The following CTXN3 variants were observed in gnomAD, a reference collection of about 807,000 sequenced individuals.
The protein encoded by CTXN3 is cortexin 3.
In CTXN3, 4 loss-of-function variants were observed where a neutral mutation model predicts 5.0. The ratio of observed to expected loss-of-function variants is 0.79; its 90% CI spans 0.39 to 1.82. The LOEUF is 1.82. Ranked by LOEUF, CTXN3 falls within the 40% of genes most tolerant of loss-of-function variation. The pLI is 0.04. For missense variants in CTXN3, 89 were observed against 99.7 expected (o/e 0.89, Z 0.46); for synonymous variants, 48 against 38.6 (o/e 1.24, Z -0.91).
chr5:127,657,679 T>C lies in CTXN3; in HGVS notation c.158T>C (p.Leu53Ser). ...ILIVRCFRILLDPYRSMPTST... is the reference protein window; with the variant it reads ...ILIVRCFRILSDPYRSMPTST... ...ATTGTCCGGTGCTTCCGGATTCTTT[T>C]GGATCCATATCGAAGCATGCCAACC... Residue 53 changes from leucine to serine, a missense_variant, in exon 3 of 3, where the codon TTG becomes TCG. Physicochemically the swap from Leu to Ser is moderately radical, Grantham distance 145. Coordinates refer to ENST00000379445, the MANE Select transcript of CTXN3 (RefSeq NM_001048252.3). 1.9e-6 allele frequency: 3 copies of C among 1,614,212 alleles called. No individual in the cohort carries two copies. The South Asian group carries it at 3.3e-5, about 18-fold the overall frequency.
chr5:127,649,250 G>T lies in CTXN3; in HGVS notation c.-345G>T, dbSNP rs1749736672. ...AACAACAGCTTTAGACCTGGGGTGT[G>T]CCATCAGCTGCCTTGCAGCTACCAC... On this transcript the variant is annotated 5_prime_UTR_variant, in exon 1 of 3. Coordinates refer to ENST00000379445, the MANE Select transcript of CTXN3 (RefSeq NM_001048252.3). 1 of 152,172 alleles carries T rather than the reference G, an allele frequency of 6.6e-6. No individual in the cohort carries two copies. Among genetic ancestry groups the T allele is most frequent in the African/African-American group, 2.4e-5 (1 of 41,432 alleles). The allele number at this position is 152,172 out of a possible 1,614,324, so 9.4% of individuals were successfully genotyped here.
intron 1 of CTXN3, among the ~76,000 whole-genome samples, chr5:127,649,821 C>G (rs892491099): frequency 1.3e-5 from 2 of 151,966 alleles, no homozygotes; most frequent in African/African-American, 2.4e-5. Context: ...GTTGACTGTC[C>G]CTGGCTGATA....
In CTXN3 at chr5:127,653,370, A is replaced by C. The variant is rs917772056; in HGVS notation, c.-153A>C. ...ACCCACAAATGGACCTGACAAAGGG[A>C]AGACACAGATGTACTGCGTGATGAG... On this transcript the variant is annotated 5_prime_UTR_variant, in exon 2 of 3. Coordinates refer to ENST00000379445, the MANE Select transcript of CTXN3 (RefSeq NM_001048252.3). The C allele has an allele frequency of 1.3e-5, 2 of 152,222 alleles. No individual in the cohort carries two copies. Among genetic ancestry groups the C allele is most frequent in the African/African-American group, 4.8e-5 (2 of 41,450 alleles). The allele number at this position is 152,222 out of a possible 1,614,324, so 9.4% of individuals were successfully genotyped here. A position where few individuals can be genotyped will look rare whatever the true frequency, so the allele number is the denominator to read the frequency against.
At position 127,657,904 on chromosome 5, in the gene CTXN3, T is replaced by C; in HGVS notation, c.*137T>C. ...GGACCATAATCCATTATTCCATAAA[T>C]ATGCAGTTGGGTTAAAGACATTTGA... On this transcript the variant is annotated 3_prime_UTR_variant, in exon 3 of 3. Transcript: ENST00000379445. 1 of 1,029,184 alleles carries C rather than the reference T, an allele frequency of 9.7e-7. No homozygotes were observed. Among genetic ancestry groups the C allele is most frequent in the Non-Finnish European group, 1.4e-6 (1 of 710,896 alleles). The allele number at this position is 1,029,184 out of a possible 1,614,324, so 63.8% of individuals were successfully genotyped here. A position where few individuals can be genotyped will look rare whatever the true frequency, so the allele number is the denominator to read the frequency against.
chr5:127,655,933 T>C (rs1181746673), intron 2 of CTXN3, among the ~76,000 whole-genome samples: 1 of 152,198 alleles, frequency 6.6e-6, no homozygotes, highest in East Asian at 1.9e-4. Flanking sequence ...CCTTATAAAT[T>C]GTTTTTTAAA....
At chr5:127,649,862 T>C (rs914780764) in intron 1 of CTXN3, among the ~76,000 whole-genome samples, 5 of 152,144 alleles carry the variant, frequency 3.3e-5, no homozygotes, top group African/African-American at 1.2e-4. Context: ...TTTTGAGATA[T>C]CAGCAAGTAG....
chr5:127,652,392 A>G (rs1243288343), intron 1 of CTXN3: 2 of 152,192 alleles, frequency 1.3e-5, no homozygotes, highest in African/African-American at 2.4e-5. Context: ...GATTTAACTT[A>G]TATTTAAAAA....
intron 2 of CTXN3, among the ~76,000 whole-genome samples, chr5:127,653,992 C>G (rs1310845682): frequency 2.0e-5 from 3 of 152,308 alleles, no homozygotes; most frequent in South Asian, 2.1e-4. Context: ...TCTTCCTGTC[C>G]TGTCCAGGAG....
At chr5:127,654,054 T>C (rs1305258338) in intron 2 of CTXN3, among the ~76,000 whole-genome samples, 1 of 152,188 alleles carries the variant, frequency 6.6e-6, no homozygotes, top group Non-Finnish European at 1.5e-5. Context: ...CTTACCACAC[T>C]TTCCCCTCCT....
Position 127,653,405 on chromosome 5 carries a change from T to C in CTXN3, c.-118T>C, listed in dbSNP as rs1255648484. 6.6e-6 allele frequency: 1 copy of C among 152,198 alleles called. No homozygotes were observed. Among genetic ancestry groups the C allele is most frequent in the African/African-American group, 2.4e-5 (1 of 41,448 alleles). The allele number at this position is 152,198 out of a possible 1,614,324, so 9.4% of individuals were successfully genotyped here. A position where few individuals can be genotyped will look rare whatever the true frequency, so the allele number is the denominator to read the frequency against. On this transcript the variant is annotated 5_prime_UTR_variant, in exon 2 of 3. Transcript: ENST00000379445. ...TGTACTGCGTGATGAGGAAAGCCTA[T>C]CAGGATTAAAATATGGCTGTGAGTA... is the stretch of plus-strand genomic sequence containing the variant.
At chr5:127,650,120 T>C (rs1005909704) in intron 1 of CTXN3, among the ~76,000 whole-genome samples, 3 of 152,032 alleles carry the variant, frequency 2.0e-5, no homozygotes, top group Admixed American at 6.6e-5. Flanking sequence ...AAAGCTGAGA[T>C]TGGGGCTGAG....
rs1749953589 is a variant in CTXN3, at chr5:127,657,928, G to C, written c.*161G>C. The C allele has an allele frequency of 1.2e-6, 1 of 835,134 alleles. No homozygotes were observed. The highest frequency in any genetic ancestry group is 1.7e-5 in the African/African-American group (1 of 57,874). 51.7% of individuals were successfully genotyped at this position (835,134 alleles called of 1,614,324 possible). A position where few individuals can be genotyped will look rare whatever the true frequency, so the allele number is the denominator to read the frequency against. ...ATATGCAGTTGGGTTAAAGACATTT[G>C]AGGATGTTGGAAATGGACACTTATA... On this transcript the variant is annotated 3_prime_UTR_variant, in exon 3 of 3. Coordinates refer to ENST00000379445, the MANE Select transcript of CTXN3 (RefSeq NM_001048252.3).
At position 127,657,881 on chromosome 5, in the gene CTXN3, A is replaced by G; in HGVS notation, c.*114A>G. 1.6e-6 allele frequency: 2 copies of G among 1,271,144 alleles called. No homozygotes were observed. The highest frequency in any genetic ancestry group is 5.0e-5 in the Admixed American group (2 of 40,372). The allele number at this position is 1,271,144 out of a possible 1,614,324, so 78.7% of individuals were successfully genotyped here. On this transcript the variant is annotated 3_prime_UTR_variant, in exon 3 of 3. Transcript: ENST00000379445. ...AATTTAAACAATATTTGGTCCCAGG[A>G]CCATAATCCATTATTCCATAAATAT...
At position 127,649,562 on chromosome 5, in the gene CTXN3, G is replaced by C. The variant is rs73339090; in HGVS notation, c.-207+174G>C. On this transcript the variant is annotated intron_variant, in intron 1 of 2. Transcript: ENST00000379445. ...TGCTAGATAAAGTTAAGAAGCGAGGGGGTAAAATGTAATGATGCCTTTATT... is the reference window on the plus strand; with the variant it reads ...TGCTAGATAAAGTTAAGAAGCGAGGCGGTAAAATGTAATGATGCCTTTATT... 7.7e-3 allele frequency among the ~76,000 whole-genome samples: 1,171 copies of C among 152,286 alleles called. 12 individuals are homozygous for C. The highest frequency in any genetic ancestry group is 0.027 in the African/African-American group (1,120 of 41,562).
intron 2 of CTXN3, among the ~76,000 whole-genome samples, chr5:127,656,289 CTG>C (rs2126743335): frequency 6.6e-6 from 1 of 152,254 alleles, no homozygotes; most frequent in Non-Finnish European, 1.5e-5. Flanking sequence ...TTAACGACCT[CTG>C]TGTATACTTG....
chr5:127,654,611 C>T (rs930122330), intron 2 of CTXN3, among the ~76,000 whole-genome samples: 3 of 152,178 alleles, frequency 2.0e-5, no homozygotes, highest in African/African-American at 7.2e-5. Flanking sequence ...GGTTTGCTCG[C>T]TGTAAATCCT....
intron 1 of CTXN3, among the ~76,000 whole-genome samples, chr5:127,650,000 C>T (rs1749751198): frequency 6.6e-6 from 1 of 152,130 alleles, no homozygotes; most frequent in Non-Finnish European, 1.5e-5. Context: ...CCTGACTAGG[C>T]ACCCTCATGG....
chr5:127,652,983 AG>A (rs1264796158), intron 1 of CTXN3: 1 of 152,196 alleles, frequency 6.6e-6, no homozygotes, highest in Non-Finnish European at 1.5e-5. Flanking sequence ...CAGGCCCACA[AG>A]GGGGTTAATG....
intron 1 of CTXN3, among the ~76,000 whole-genome samples, chr5:127,652,768 C>T (rs1749811991): frequency 6.6e-6 from 1 of 152,202 alleles, no homozygotes; most frequent in Non-Finnish European, 1.5e-5. Flanking sequence ...AGCTGAAAAA[C>T]AGACAAAATG....
Sources: gnomAD v4.1 joint callset for allele counts (sites outside exome capture counted in the v4.1 genomes callset) on GRCh38, gnomAD v4.1.1 for gene constraint, MANE v1.5 for transcripts, NCBI Gene and HGNC (gene_info 2026-07-23, HGNC 2026-07-21) for gene names.